Variants in USH2A observed in about 807,000 individuals in gnomAD.
USH2A encodes Usher syndrome 2A (autosomal recessive, mild).
In USH2A, 443 loss-of-function variants were observed where a neutral mutation model predicts 538.9. The observed-to-expected ratio is 0.82, with a 90% CI of 0.76 to 0.89. The LOEUF is 0.89. Ranked by LOEUF, USH2A falls within the 40% of genes least tolerant of loss-of-function variation. USH2A has a pLI of 0.00. For synonymous variants in USH2A, 2,413 were observed against 2,273.5 expected, an observed-to-expected ratio of 1.06 and a Z score of -1.75; for missense variants, 6,633 against 6,324.8, an observed-to-expected ratio of 1.05 and a Z score of -1.65.
chr1:215,776,937 A>T (rs1162248571), intron 55 of USH2A, among the ~76,000 whole-genome samples: 1 of 152,160 alleles, frequency 6.6e-6, no homozygotes, highest in Non-Finnish European at 1.5e-5. Context: ...TGTACTTGGT[A>T]AGGTTTTGCT....
chr1:215,633,899 G>A (rs1196310654), intron 70 of USH2A, among the ~76,000 whole-genome samples: 4 of 152,088 alleles, frequency 2.6e-5, no homozygotes, highest in Non-Finnish European at 5.9e-5. Context: ...CTCCTATTTT[G>A]GGAGTGAGTG....
At position 215,962,810 on chromosome 1, in the gene USH2A, G is replaced by A. The variant is rs553114711; in HGVS notation, c.7120+2507C>T. Among the ~76,000 whole-genome samples the A allele has an allele frequency of 4.8e-4, 73 of 152,102 alleles. No homozygotes were observed. The South Asian group carries it at 0.013, about 27-fold the overall frequency. On this transcript the variant is annotated intron_variant, in intron 37 of 71. Coordinates refer to ENST00000307340, the MANE Select transcript of USH2A (RefSeq NM_206933.4). Reference sequence around the variant, plus strand: ...ATTTTGATTCATGAGAACATAATACGTGGTCAAAAGTGAACAATTTTTAAG... The same window carrying A: ...ATTTTGATTCATGAGAACATAATACATGGTCAAAAGTGAACAATTTTTAAG...
chr1:216,350,355 A>T (rs1334287340), intron 4 of USH2A, among the ~76,000 whole-genome samples: 3 of 152,074 alleles, frequency 2.0e-5, no homozygotes, highest in Admixed American at 2.0e-4. Flanking sequence ...AGTCTCCCAA[A>T]GTCTTAACTC....
intron 55 of USH2A, among the ~76,000 whole-genome samples, chr1:215,773,524 C>CTGTCTT (rs1181750934): frequency 3.4e-4 from 50 of 148,950 alleles, no homozygotes; most frequent in African/African-American, 1.2e-3. Context: ...CTCTCTCTCT[C>CTGTCTT]TCTCTCTCTG....
rs187304163 is a variant in USH2A, at chr1:216,256,958, C to T, written c.1972-5860G>A. Among the ~76,000 whole-genome samples the T allele has an allele frequency of 3.9e-3, 600 of 151,902 alleles. 3 individuals are homozygous for T. Among genetic ancestry groups the T allele is most frequent in the Non-Finnish European group, 6.8e-3 (464 of 67,848 alleles). On this transcript the variant is annotated intron_variant, in intron 11 of 71. Transcript: ENST00000307340. ...TCAAGGGTCAAGGGTACTTCCTTTT[C>T]CCCCTCTTAATTATTGTGTTATTAC... is the stretch of plus-strand genomic sequence containing the variant.
At chr1:215,693,349 T>C (rs948199174) in intron 61 of USH2A, among the ~76,000 whole-genome samples, 3 of 152,058 alleles carry the variant, frequency 2.0e-5, no homozygotes, top group Non-Finnish European at 4.4e-5. Flanking sequence ...GCTCCTACTA[T>C]GTCAGACTTG....
intron 3 of USH2A, among the ~76,000 whole-genome samples, chr1:216,387,525 G>T (rs1454638035): frequency 6.6e-6 from 1 of 152,106 alleles, no homozygotes; most frequent in East Asian, 1.9e-4. Flanking sequence ...GATGCTGAAC[G>T]TTTTGTAATT....
rs527805505 is a variant in USH2A at position 216,005,749 on chromosome 1, G to A, written c.6326-5187C>T. On this transcript the variant is annotated intron_variant, in intron 32 of 71. Transcript: ENST00000307340. ...CTGAATGCCAAAACATAATTTTAAAGTACCAGTGCTTCATTGTAAAAGAAA... is the reference window on the plus strand; with the variant it reads ...CTGAATGCCAAAACATAATTTTAAAATACCAGTGCTTCATTGTAAAAGAAA... Among the ~76,000 whole-genome samples, 134 of 152,110 alleles carry A rather than the reference G, an allele frequency of 8.8e-4. 1 individual carries two copies. The highest frequency in any genetic ancestry group is 2.9e-3 in the African/African-American group (121 of 41,516).
chr1:216,420,698 T>G (rs2039661055), intron 2 of USH2A, among the ~76,000 whole-genome samples: 1 of 152,194 alleles, frequency 6.6e-6, no homozygotes, highest in Non-Finnish European at 1.5e-5. Context: ...TTAAGACTCT[T>G]CAGATGTTAA....
At chr1:216,188,311 A>G (rs983863186) in intron 20 of USH2A, among the ~76,000 whole-genome samples, 1 of 151,788 alleles carries the variant, frequency 6.6e-6, no homozygotes, top group Non-Finnish European at 1.5e-5. Context: ...TCCCATCTCC[A>G]TGATCCAGCT....
chr1:216,165,727 C>T lies in USH2A; in HGVS notation c.4627+9525G>A, dbSNP rs1441865708. Among the ~76,000 whole-genome samples the T allele has an allele frequency of 4.0e-5, 6 of 151,414 alleles. No homozygotes were observed. The East Asian group carries it at 7.7e-4, about 20-fold the overall frequency. On this transcript the variant is annotated intron_variant, in intron 21 of 71. Transcript: ENST00000307340. ...TGAGTATCTGGTAAATGTCTTATGC[C>T]GTGCAAGACACAAATGTGTTAAGCA... is the stretch of plus-strand genomic sequence containing the variant.
Position 215,674,555 on chromosome 1 carries a change from CA to C in USH2A, c.13355del (p.Leu4452CysfsTer9). ...ALPENMDSPT[L>X]QVTGSESIEI... ...CTATTGATTCTGAGCCTGTGACTTG[CA>C]ATGTTGGAGAGTCCATGTTCTCTGG... is the stretch of plus-strand genomic sequence containing the variant. On this transcript the variant is annotated frameshift_variant, in exon 63 of 72. Coordinates refer to ENST00000307340, the MANE Select transcript of USH2A (RefSeq NM_206933.4). LOFTEE classifies it high-confidence loss of function. 6.2e-7 allele frequency: 1 copy of C among 1,614,086 alleles called. No individual in the cohort carries two copies. The highest frequency in any genetic ancestry group is 8.5e-7 in the Non-Finnish European group (1 of 1,180,008).
chr1:215,675,146 C>T lies in USH2A; in HGVS notation c.12765G>A (p.Val4255=). Residue 4255 remains valine, a synonymous_variant, in exon 63 of 72, where the codon GTG becomes GTA. Coordinates refer to ENST00000307340, the MANE Select transcript of USH2A (RefSeq NM_206933.4). The part of the protein sequence containing the change: ...SAGHTCSSWN[V]VRTLQAPPEG... ...CTGGAGGTGCTTGCAATGTCCTCAC[C>T]ACATTCCAAGAGCTACAGGTATGCC... The T allele has an allele frequency of 1.2e-6, 2 of 1,614,050 alleles. No homozygotes were observed. Among genetic ancestry groups the T allele is most frequent in the South Asian group, 2.2e-5 (2 of 91,078 alleles).
chr1:216,120,331 T>C (rs12029418), intron 21 of USH2A, among the ~76,000 whole-genome samples: 52,543 of 150,260 alleles, frequency 0.35, 10,074 homozygotes, highest in East Asian at 0.72. Context: ...GGTCAGGAGA[T>C]TGAGGCCAGC....
intron 21 of USH2A, among the ~76,000 whole-genome samples, chr1:216,127,999 T>C (rs1303602457): frequency 6.6e-6 from 1 of 152,106 alleles, no homozygotes; most frequent in East Asian, 1.9e-4. Flanking sequence ...CACTGCAAAC[T>C]AGAAATGAGA....
chr1:215,847,092 G>C (rs1169484771), intron 44 of USH2A, among the ~76,000 whole-genome samples: 1 of 152,038 alleles, frequency 6.6e-6, no homozygotes, highest in Non-Finnish European at 1.5e-5. Context: ...TCCTTTCAAA[G>C]ACCAGTCTAT....
chr1:216,191,675 A>T (rs2034719430), intron 19 of USH2A, among the ~76,000 whole-genome samples: 1 of 151,946 alleles, frequency 6.6e-6, no homozygotes, highest in African/African-American at 2.4e-5. Flanking sequence ...AGTAAAATAA[A>T]CCTTGAACTG....
At chr1:216,083,363 AC>A (rs1398677080) in intron 26 of USH2A, 92 bp downstream of exon 26, 1 of 1,368,638 alleles carries the variant, frequency 7.3e-7, no homozygotes, top group Non-Finnish European at 1.0e-6. Context: ...TTGTAAAGAA[AC>A]CCCAATTAAG....
chr1:215,813,355 T>C (rs1662757545), intron 49 of USH2A, among the ~76,000 whole-genome samples: 1 of 152,110 alleles, frequency 6.6e-6, no homozygotes, highest in South Asian at 2.1e-4. Context: ...GCATGTGTAG[T>C]TCAGATTAGA....
Sources: allele counts gnomAD v4.1 joint callset (sites outside exome capture counted in the v4.1 genomes callset), GRCh38; gene constraint gnomAD v4.1.1; transcripts MANE v1.5; gene names NCBI Gene and HGNC (gene_info 2026-07-23, HGNC 2026-07-21).